Variants in PRELID2 observed in about 807,000 individuals in gnomAD.
PRELID2 encodes PRELI domain containing 2.
In PRELID2, 25 loss-of-function variants were observed where a neutral mutation model predicts 28.4. The ratio of observed to expected loss-of-function variants is 0.88; its 90% confidence interval spans 0.64 to 1.23. The LOEUF is 1.23. Ranked by LOEUF, PRELID2 falls within the 50% of genes most tolerant of loss-of-function variation. The pLI, the probability that PRELID2 is intolerant of heterozygous loss-of-function variation, is 0.00. For synonymous variants in PRELID2, 76 were observed against 71.6 expected, an observed-to-expected ratio of 1.06 and a Z score of -0.31; for missense variants, 201 against 214.4, an observed-to-expected ratio of 0.94 and a Z score of 0.39.
At chr5:145,675,421 A>G (rs996563738) in intron 1 of PRELID2, among the ~76,000 whole-genome samples, 7 of 152,246 alleles carry the variant, frequency 4.6e-5, no homozygotes, top group African/African-American at 1.4e-4. Context: ...ATTCTCATAC[A>G]CCGCTGGTAC....
chr5:145,419,566 T>C, the PRELID2 span, among the ~76,000 whole-genome samples: 2 of 141,896 alleles, frequency 1.4e-5, no homozygotes, highest in African/African-American at 2.6e-5. Flanking sequence ...CGCCCACTTT[T>C]TGATGGGGTT....
intron 5 of PRELID2, among the ~76,000 whole-genome samples, chr5:145,783,684 TC>T (rs1751789936): frequency 6.6e-6 from 1 of 152,246 alleles, no homozygotes; most frequent in Admixed American, 6.5e-5. Flanking sequence ...ATCAGTTTTT[TC>T]ATGTGGTTCA....
chr5:145,650,330 T>C (rs1163120106), intron 1 of PRELID2, among the ~76,000 whole-genome samples: 1 of 151,806 alleles, frequency 6.6e-6, no homozygotes, highest in African/African-American at 2.4e-5. Context: ...CTCTATGGGA[T>C]TCTCTGCTCC....
intron 1 of PRELID2, among the ~76,000 whole-genome samples, chr5:145,750,159 C>T (rs961286177): frequency 5.9e-5 from 9 of 151,764 alleles, no homozygotes; most frequent in Middle Eastern, 3.4e-3. Flanking sequence ...ATCACCAAGC[C>T]GAGAAGTTGT....
In PRELID2 at chr5:145,748,346, C is replaced by T. The variant is rs571698575; in HGVS notation, n.70+16585G>A. Among the ~76,000 whole-genome samples the T allele has an allele frequency of 4.4e-4, 67 of 152,098 alleles. No homozygotes were observed. In the Middle Eastern group the frequency reaches 0.01, roughly 23 times the overall value. ...CTTTACGTTAACAATAGACAGAGAGCCAAATCATGAATGAACTCCCATTCA... is the reference window on the plus strand; with the variant it reads ...CTTTACGTTAACAATAGACAGAGAGTCAAATCATGAATGAACTCCCATTCA... On this transcript the variant is annotated intron_variant and non_coding_transcript_variant, in intron 1 of 2. Transcript: ENST00000510259.
At chr5:145,813,811 C>T (rs1269295177) in intron 4 of PRELID2, among the ~76,000 whole-genome samples, 1 of 152,078 alleles carries the variant, frequency 6.6e-6, no homozygotes, top group Non-Finnish European at 1.5e-5. Flanking sequence ...CTGGTCAAAC[C>T]TTCTTATACA....
intron 1 of PRELID2, among the ~76,000 whole-genome samples, chr5:145,619,660 T>C (rs922545255): frequency 1.1e-4 from 16 of 152,176 alleles, no homozygotes; most frequent in Non-Finnish European, 2.4e-4. Context: ...ATTCATGATG[T>C]GAGCCTCCCC....
At chr5:145,828,931 C>T (rs920498458) in intron 1 of PRELID2, among the ~76,000 whole-genome samples, 1 of 150,384 alleles carries the variant, frequency 6.6e-6, no homozygotes, top group Admixed American at 6.7e-5. Context: ...CTCTGCCTCC[C>T]GGCTCAAGCG....
the PRELID2 span, among the ~76,000 whole-genome samples, chr5:145,292,874 A>T: frequency 0.014 from 2,196 of 151,862 alleles, 45 homozygotes; most frequent in African/African-American, 0.05. Context: ...CACCATGCTA[A>T]TTTTTTTTAT....
At chr5:145,240,148 T>G in the PRELID2 span, among the ~76,000 whole-genome samples, 1 of 151,990 alleles carries the variant, frequency 6.6e-6, no homozygotes, top group Non-Finnish European at 1.5e-5. Context: ...GTCTGACGTT[T>G]TATGGCATTT....
At chr5:145,310,113 C>A in the PRELID2 span, among the ~76,000 whole-genome samples, 1 of 152,138 alleles carries the variant, frequency 6.6e-6, no homozygotes, top group African/African-American at 2.4e-5. Context: ...AAGAATCCTG[C>A]CTTCATGGTT....
intron 1 of PRELID2, among the ~76,000 whole-genome samples, chr5:145,650,523 C>CAT (rs1754272885): frequency 1.1e-5 from 1 of 91,730 alleles, no homozygotes; most frequent in Admixed American, 1.4e-4. Flanking sequence ...TCGAATCGCA[C>CAT]ATATATACAT....
At chr5:145,449,657 C>T in the PRELID2 span, among the ~76,000 whole-genome samples, 1 of 152,074 alleles carries the variant, frequency 6.6e-6, no homozygotes, top group African/African-American at 2.4e-5. Context: ...GGGAACCACC[C>T]TCTTCTACCC....
intron 1 of PRELID2, among the ~76,000 whole-genome samples, chr5:145,649,543 C>G (rs1754254146): frequency 6.6e-6 from 1 of 152,134 alleles, no homozygotes; most frequent in Non-Finnish European, 1.5e-5. Context: ...GTTATCAGGA[C>G]ATAACCTCGT....
chr5:145,485,941 A>G (rs570512109), intron 1 of PRELID2, among the ~76,000 whole-genome samples: 7 of 152,338 alleles, frequency 4.6e-5, no homozygotes, highest in African/African-American at 1.7e-4. Context: ...ATCTTCACCT[A>G]TAATAAGAAC....
the PRELID2 span, among the ~76,000 whole-genome samples, chr5:145,428,554 G>C: frequency 6.6e-6 from 1 of 152,076 alleles, no homozygotes; most frequent in Non-Finnish European, 1.5e-5. Context: ...TGTGGGGTGG[G>C]GGCAGGGAGG....
chr5:145,369,299 G>A, the PRELID2 span, among the ~76,000 whole-genome samples: 248 of 152,100 alleles, frequency 1.6e-3, 4 homozygotes, highest in Middle Eastern at 0.02. Context: ...ACAGGCCCTG[G>A]TGTGTGTTGT....
intron 1 of PRELID2, among the ~76,000 whole-genome samples, chr5:145,827,568 C>T (rs147495595): frequency 1.3e-5 from 2 of 152,190 alleles, no homozygotes; most frequent in African/African-American, 4.8e-5. Flanking sequence ...AAACAAAGGC[C>T]AACCAACAGC....
At chr5:145,259,350 A>G in the PRELID2 span, among the ~76,000 whole-genome samples, 1 of 152,138 alleles carries the variant, frequency 6.6e-6, no homozygotes, top group Admixed American at 6.5e-5. Context: ...GACAGTTTGC[A>G]TTCCTGCACC....
Sources: gnomAD v4.1 joint callset for allele counts (sites outside exome capture counted in the v4.1 genomes callset) on GRCh38, gnomAD v4.1.1 for gene constraint, MANE v1.5 for transcripts, NCBI Gene and HGNC (gene_info 2026-07-23, HGNC 2026-07-21) for gene names.